The following TUBB8 variants were observed in gnomAD, a reference collection of about 807,000 sequenced individuals.
TUBB8 encodes the protein tubulin beta-8 chain.
A neutral mutation model predicts 33.7 loss-of-function variants in TUBB8; 25 were observed. The observed-to-expected ratio is 0.74, with a 90% CI of 0.54 to 1.04. TUBB8 has a LOEUF of 1.04. Among genes scored for constraint, TUBB8 ranks in the 50% least tolerant of loss-of-function variants. The pLI, the probability that TUBB8 is intolerant of heterozygous loss-of-function variation, is 0.00. For synonymous variants in TUBB8, 245 were observed against 240.1 expected (o/e 1.02, Z -0.19); for missense variants, 279 against 608.0 (o/e 0.46, Z 5.69).
At chr10:51,834 A>T (rs1483497062), upstream of TUBB8, among the ~76,000 whole-genome samples, 1 of 152,204 alleles carries the variant, frequency 6.6e-6, no homozygotes, top group Non-Finnish European at 1.5e-5. Context: ...ATCTTTGCCA[A>T]CTAGAAAAGT....
chr10:54,428 A>G (rs1834505022), intron 1 of TUBB8, among the ~76,000 whole-genome samples: 2 of 151,384 alleles, frequency 1.3e-5, no homozygotes, highest in East Asian at 3.9e-4. Flanking sequence ...CATTTTCTCT[A>G]TCCAGTCATC....
chr10:76,354 CCTCCATGAAGGGACG>C (rs1834814371), upstream of TUBB8, among the ~76,000 whole-genome samples: 1 of 152,178 alleles, frequency 6.6e-6, no homozygotes, highest in Non-Finnish European at 1.5e-5. Flanking sequence ...GCCGCCCAAG[CCTCCATGAAGGGACG>C]CTCGTACAAA....
chr10:68,001 A>T (rs1388101685), intron 1 of TUBB8, among the ~76,000 whole-genome samples: 18,293 of 117,764 alleles, frequency 0.16, no homozygotes, highest in African/African-American at 0.29. Flanking sequence ...TAAAATTTTT[A>T]AAAATTCTGA....
intron 1 of TUBB8, among the ~76,000 whole-genome samples, chr10:56,112 G>A (rs1187224562): frequency 2.6e-5 from 4 of 152,186 alleles, no homozygotes; most frequent in East Asian, 3.8e-4. Flanking sequence ...CTTCCAATCT[G>A]TGAACATAGA....
chr10:57,180 C>T (rs1834542361), intron 1 of TUBB8, among the ~76,000 whole-genome samples: 1 of 152,234 alleles, frequency 6.6e-6, no homozygotes, highest in African/African-American at 2.4e-5. Flanking sequence ...TGTGGCTTTG[C>T]ATGGTTCAGC....
intron 1 of TUBB8, among the ~76,000 whole-genome samples, chr10:70,573 C>T (rs1834723880): frequency 1.3e-5 from 2 of 152,178 alleles, no homozygotes; most frequent in South Asian, 4.1e-4. Context: ...AACTTATTGG[C>T]TCATGCCTGT....
chr10:70,940 A>G (rs1834728328), intron 1 of TUBB8, among the ~76,000 whole-genome samples: 1 of 152,194 alleles, frequency 6.6e-6, no homozygotes, highest in Admixed American at 6.5e-5. Flanking sequence ...AACAAAATGG[A>G]CTCTAAAATA....
At chr10:55,567 C>T (rs183128759) in intron 1 of TUBB8, among the ~76,000 whole-genome samples, 29 of 152,274 alleles carry the variant, frequency 1.9e-4, no homozygotes, top group African/African-American at 6.5e-4. Context: ...TTGCTCAAAC[C>T]ATGCCCTAAA....
chr10:46,930 T>C lies in TUBB8; in HGVS notation c.*127A>G, dbSNP rs1414554009. 7 of 587,584 alleles carry C rather than the reference T, an allele frequency of 1.2e-5. No individual in the cohort carries two copies. The highest frequency in any genetic ancestry group is 4.4e-4 in the Middle Eastern group (1 of 2,264). The allele number at this position is 587,584 out of a possible 1,614,324, so 36.4% of individuals were successfully genotyped here. A position where few individuals can be genotyped will look rare whatever the true frequency, so the allele number is the denominator to read the frequency against. On this transcript the variant is annotated 3_prime_UTR_variant, in exon 4 of 4. Coordinates refer to ENST00000568584, the MANE Select transcript of TUBB8 (RefSeq NM_177987.3). ...CTTTATTAGTCAAAACCGCATACTA[T>C]AAAAATGCTTTAAAACGCAGCAGGA... is the stretch of plus-strand genomic sequence containing the variant.
intron 1 of TUBB8, among the ~76,000 whole-genome samples, chr10:64,179 C>A (rs2130946247): frequency 6.6e-6 from 1 of 152,284 alleles, no homozygotes; most frequent in Non-Finnish European, 1.5e-5. Context: ...ACCACTGAGA[C>A]TGTGCTGGTT....
chr10:73,217 T>C (rs1435678882), intron 1 of TUBB8, among the ~76,000 whole-genome samples: 3 of 152,266 alleles, frequency 2.0e-5, no homozygotes, highest in African/African-American at 7.2e-5. Context: ...TGTTTTCATT[T>C]GTTTTTGTTT....
rs782078099 is a variant in TUBB8 at position 47,496 on chromosome 10, A to G, written c.896T>C (p.Met299Thr). Residue 299 changes from methionine (M) to threonine (T), a missense_variant, in exon 4 of 4, where the codon ATG becomes ACG. Around this residue, in one of 4 missense-constraint regions of TUBB8, gnomAD observed 123 missense variants for 228.9 expected, o/e 0.54. Transcript: ENST00000568584. ...LTQQMFDAKN[M>T]MAACDPRHGR... ...GTGACGGGGGTCACAGGCAGCCATCATGTTCTTAGCATCAAACATCTGCTG... is the reference window on the plus strand; with the variant it reads ...GTGACGGGGGTCACAGGCAGCCATCGTGTTCTTAGCATCAAACATCTGCTG... The G allele has an allele frequency of 1.2e-6, 2 of 1,612,314 alleles. No individual in the cohort carries two copies. Among genetic ancestry groups the G allele is most frequent in the South Asian group, 2.2e-5 (2 of 91,002 alleles).
At chr10:68,711 A>C (rs548944659) in intron 1 of TUBB8, among the ~76,000 whole-genome samples, 1 of 152,208 alleles carries the variant, frequency 6.6e-6, no homozygotes, top group East Asian at 1.9e-4. Context: ...CACACAAAAC[A>C]CTCCAGTGTA....
upstream of TUBB8, among the ~76,000 whole-genome samples, chr10:53,463 G>T (rs368256592): frequency 6.6e-6 from 1 of 152,180 alleles, no homozygotes; most frequent in Admixed American, 6.5e-5. Context: ...ATTTCCTGCT[G>T]TTGAGCAGGG....
upstream of TUBB8, among the ~76,000 whole-genome samples, chr10:52,596 C>T (rs1179030986): frequency 6.6e-6 from 1 of 152,220 alleles, no homozygotes; most frequent in Non-Finnish European, 1.5e-5. Flanking sequence ...TCATTAAAGT[C>T]GGGGCTATTC....
intron 1 of TUBB8, among the ~76,000 whole-genome samples, chr10:68,832 C>A (rs1834703472): frequency 6.6e-6 from 1 of 152,206 alleles, no homozygotes; most frequent in Non-Finnish European, 1.5e-5. Context: ...CACTTCACTG[C>A]CTGCCCCAAG....
chr10:74,658 G>GA (rs1383174196), upstream of TUBB8, among the ~76,000 whole-genome samples: 47 of 142,940 alleles, frequency 3.3e-4, no homozygotes, highest in African/African-American at 1.2e-3. Flanking sequence ...GAAAGAAAAA[G>GA]AAAAAAATAG....
At chr10:48,516 C>T (rs1254975417) in intron 3 of TUBB8, 99 bp downstream of exon 3, 21 of 1,175,680 alleles carry the variant, frequency 1.8e-5, no homozygotes, top group Non-Finnish European at 2.5e-5. Flanking sequence ...TGTTCAGGGG[C>T]CCTAGCTCCA....
chr10:62,877 A>G (rs1184897760), intron 1 of TUBB8, among the ~76,000 whole-genome samples: 48 of 152,248 alleles, frequency 3.2e-4, no homozygotes, highest in Non-Finnish European at 1.5e-4. Flanking sequence ...AGTTCCACTG[A>G]ATGTTATTTG....
Sources: allele counts gnomAD v4.1 joint callset (sites outside exome capture counted in the v4.1 genomes callset), GRCh38; gene constraint gnomAD v4.1.1; regional missense constraint gnomAD v4.1.1; transcripts MANE v1.5; gene names NCBI Gene and HGNC (gene_info 2026-07-23, HGNC 2026-07-21).